The following CDK2AP1 variants were observed in gnomAD, a reference collection of about 807,000 sequenced individuals.
CDK2AP1 encodes cyclin-dependent kinase 2-associated protein 1.
A neutral mutation model predicts 14.1 loss-of-function variants in CDK2AP1; 10 were observed. The ratio of observed to expected loss-of-function variants is 0.71; its 90% CI spans 0.44 to 1.20. The LOEUF is 1.20. Among genes scored for constraint, CDK2AP1 ranks in the 50% most tolerant of loss-of-function variants. CDK2AP1 has a pLI of 0.00. For missense variants in CDK2AP1, 102 were observed against 149.9 expected (o/e 0.68, Z 1.67); for synonymous variants, 59 against 59.8 (o/e 0.99, Z 0.06).
intron 3 of CDK2AP1, 135 bp from the exon 4 acceptor site, chr12:123,261,938 C>T (rs2048236575): frequency 2.9e-6 from 2 of 680,944 alleles, no homozygotes; most frequent in Admixed American, 4.8e-5. Context: ...ACCAGGGAAA[C>T]CTATAACCAA....
intron 3 of CDK2AP1, among the ~76,000 whole-genome samples, chr12:123,263,200 G>C (rs2048251194): frequency 7.3e-6 from 1 of 137,356 alleles, no homozygotes; most frequent in African/African-American, 2.7e-5. Flanking sequence ...GATAGAGCGA[G>C]ACTCTGTCTC....
At chr12:123,270,984 C>A in intron 1 of CDK2AP1, 10 of 984,840 alleles carry the variant, frequency 1.0e-5, no homozygotes, top group Non-Finnish European at 1.2e-5. Flanking sequence ...GCCGGCGACC[C>A]CATCCTGGTC....
intron 3 of CDK2AP1, among the ~76,000 whole-genome samples, chr12:123,263,650 C>T (rs2048256954): frequency 6.6e-6 from 1 of 152,284 alleles, no homozygotes; most frequent in Non-Finnish European, 1.5e-5. Flanking sequence ...CCTGGTAGTC[C>T]CAACCTAGCT....
At chr12:123,263,256 G>A (rs1028610149) in intron 3 of CDK2AP1, among the ~76,000 whole-genome samples, 26 of 150,994 alleles carry the variant, frequency 1.7e-4, no homozygotes, top group Non-Finnish European at 3.1e-4. Flanking sequence ...TTGGCTCCTG[G>A]CTCTTGGGCT....
At chr12:123,271,486 G>A in intron 1 of CDK2AP1, 78 bp downstream of exon 1, 2 of 819,908 alleles carry the variant, frequency 2.4e-6, no homozygotes, top group Non-Finnish European at 2.9e-6. Flanking sequence ...GGGCGCCCCG[G>A]GCATCCCCGG....
chr12:123,271,856 T>C lies in CDK2AP1; in HGVS notation c.-238A>G, dbSNP rs2048357219. 6.9e-6 allele frequency: 1 copy of C among 145,848 alleles called. No homozygotes were observed. Among genetic ancestry groups the C allele is most frequent in the Admixed American group, 6.8e-5 (1 of 14,710 alleles). 9.0% of individuals were successfully genotyped at this position (145,848 alleles called of 1,614,324 possible). The stretch of plus-strand genomic sequence containing the variant: ...GCGGCGCAGGGGCGGCCGCAAACTT[T>C]CCGCGGAGCCGGCGGGGCGGCCGGG... On this transcript the variant is annotated 5_prime_UTR_variant, in exon 1 of 4. Coordinates refer to ENST00000261692, the MANE Select transcript of CDK2AP1 (RefSeq NM_004642.4).
chr12:123,268,942 C>T (rs187290595), intron 1 of CDK2AP1, among the ~76,000 whole-genome samples: 2 of 152,296 alleles, frequency 1.3e-5, no homozygotes, highest in South Asian at 2.1e-4. Context: ...ACCTCTCTGG[C>T]TCCAGGGCCA....
In CDK2AP1 at chr12:123,265,296, T is replaced by G; in HGVS notation, c.180A>C (p.Gln60His). The change falls in exon 3 of 4, where the codon CAA becomes CAC. Residue 60 changes from glutamine (Q) to histidine (H), a missense_variant. This residue lies in a region of CDK2AP1 where 52 missense variants were observed against 107.2 expected (regional missense o/e 0.48). Coordinates refer to ENST00000261692, the MANE Select transcript of CDK2AP1 (RefSeq NM_004642.4). The surrounding 1 kb of genome is among the most constrained non-coding windows in gnomAD (Gnocchi z 5.3). ...TQGTGNSQVP[Q>H]SKYAELLAII... The stretch of plus-strand genomic sequence containing the variant: ...TGGCCAGCAGCTCCGCGTATTTGCT[T>G]TGGGGCACCTGGCTGTTCCCAGTTC... The G allele has an allele frequency of 6.2e-7, 1 of 1,614,104 alleles. No individual in the cohort carries two copies. Among genetic ancestry groups the G allele is most frequent in the Non-Finnish European group, 8.5e-7 (1 of 1,180,018 alleles).
At chr12:123,267,044 G>A (rs1386645546) in intron 2 of CDK2AP1, 141 bp downstream of exon 2, 4 of 658,540 alleles carry the variant, frequency 6.1e-6, no homozygotes, top group Non-Finnish European at 1.1e-5. Flanking sequence ...CTGAGCAGGA[G>A]CGCAGCCAGG....
rs1052747136 is a variant in CDK2AP1 at position 123,271,665 on chromosome 12, G to GGGCGGC, written c.-53_-48dup. ...CGGGCGCGGCGGGGCCAGGCCGCGA[G>GGGCGGC]GGCGGCGGCGGCGGCGGCGAGGCCG... On this transcript the variant is annotated 5_prime_UTR_variant, in exon 1 of 4. Transcript: ENST00000261692. The GGGCGGC allele has an allele frequency of 3.8e-5, 32 of 833,230 alleles. No individual in the cohort carries two copies. In the African/African-American group the frequency reaches 4.7e-4, roughly 12 times the overall value. 51.6% of individuals were successfully genotyped at this position (833,230 alleles called of 1,614,324 possible). A position where few individuals can be genotyped will look rare whatever the true frequency, so the allele number is the denominator to read the frequency against.
Position 123,265,236 on chromosome 12 carries a change from C to T in CDK2AP1, c.240G>A (p.Thr80=), listed in dbSNP as rs374106770. Residue 80 remains threonine, a synonymous_variant, in exon 3 of 4, where the codon ACG becomes ACA. Transcript: ENST00000261692. This position sits in a 1 kb window ranked among gnomAD's most constrained non-coding sequence, Gnocchi z 5.3. ...IEELGKEIRP[T]YAGSKSAMER... is the part of the protein sequence containing the mutation. Reference sequence around the variant, plus strand: ...CCATGGCACTCTTGCTCCCTGCGTACGTGGGTCTGATCTCCTTCCCCAGCT... The same window carrying T: ...CCATGGCACTCTTGCTCCCTGCGTATGTGGGTCTGATCTCCTTCCCCAGCT... 14 of 1,614,196 alleles carry T rather than the reference C, an allele frequency of 8.7e-6. No individual in the cohort carries two copies. The highest frequency in any genetic ancestry group is 3.3e-5 in the South Asian group (3 of 91,086).
In CDK2AP1 at chr12:123,267,655, C is replaced by A. The variant is rs1023035686; in HGVS notation, c.56-373G>T. The A allele has an allele frequency of 1.1e-4, 27 of 236,426 alleles. No homozygotes were observed. The Admixed American group carries it at 1.3e-3, about 11-fold the overall frequency. The allele number at this position is 236,426 out of a possible 1,614,324, so 14.6% of individuals were successfully genotyped here. On this transcript the variant is annotated intron_variant, in intron 1 of 3. Transcript: ENST00000261692. ...CTGAGAACCTAGAGGCCACATCACA[C>A]CACAGCGCCACATAGGCTGGTCGAA...
intron 1 of CDK2AP1, chr12:123,269,030 A>C (rs2048328588): frequency 2.0e-5 from 3 of 152,176 alleles, no homozygotes; most frequent in Non-Finnish European, 2.9e-5. Flanking sequence ...GGTGCTGGCC[A>C]CTTCCCACGC....
At position 123,265,187 on chromosome 12, in the gene CDK2AP1, C is replaced by T. The variant is rs201742152; in HGVS notation, c.280+9G>A. ...GTGGTCACCGACAGGGCAGCGGGGC[C>T]GGGCTTACCGCGCTTCAGCCTCTCC... On this transcript the variant is annotated intron_variant, in intron 3 of 3. Coordinates refer to ENST00000261692, the MANE Select transcript of CDK2AP1 (RefSeq NM_004642.4). This position sits in a 1 kb window ranked among gnomAD's most constrained non-coding sequence, Gnocchi z 5.3. 1.7e-5 allele frequency: 27 copies of T among 1,613,882 alleles called. No individual in the cohort carries two copies. In the East Asian group the frequency reaches 2.9e-4, roughly 17 times the overall value.
At chr12:123,264,407 C>G (rs2048265930) in intron 3 of CDK2AP1, among the ~76,000 whole-genome samples, 1 of 141,550 alleles carries the variant, frequency 7.1e-6, no homozygotes, top group African/African-American at 2.7e-5. Context: ...TTGCGGTGAG[C>G]CGAGATTGCA....
At position 123,261,763 on chromosome 12, in the gene CDK2AP1, T is replaced by C; in HGVS notation, c.321A>G (p.Ala107=). Residue 107 remains alanine, a synonymous_variant, in exon 4 of 4, where the codon GCA becomes GCG. Transcript: ENST00000261692. ...HARGLVRECL[A]ETERNARS ...AGGATCTGGCATTCCGTTCCGTTTC[T>C]GCCAAGCACTCCCGAACCAGTCCTC... 1 of 1,614,116 alleles carries C rather than the reference T, an allele frequency of 6.2e-7. No individual in the cohort carries two copies. The highest frequency in any genetic ancestry group is 1.6e-4 in the Middle Eastern group (1 of 6,062).
chr12:123,264,462 C>CAAAAAAAAAAAAAA lies in CDK2AP1; in HGVS notation c.280+720_280+733dup, dbSNP rs1167157405. 1.4e-3 allele frequency among the ~76,000 whole-genome samples: 96 copies of CAAAAAAAAAAAAAA among 69,846 alleles called. 1 individual carries two copies. The highest frequency in any genetic ancestry group is 0.012 in the Middle Eastern group (1 of 86). 45.8% of individuals were successfully genotyped at this position (69,846 alleles called of 152,430 possible). Reference sequence around the variant, plus strand: ...GCAACAAGAGTAAAACTCCGTCTCCCAAAAAAAAAAAAAAAAAAAAAAAAA... The same window carrying CAAAAAAAAAAAAAA: ...GCAACAAGAGTAAAACTCCGTCTCCCAAAAAAAAAAAAAAAAAAAAAAAAAAAAAAAAAAAAAAA... On this transcript the variant is annotated intron_variant, in intron 3 of 3. Coordinates refer to ENST00000261692, the MANE Select transcript of CDK2AP1 (RefSeq NM_004642.4).
At chr12:123,271,470 C>CTCCGCGGGCGCCCCGGGCA in intron 1 of CDK2AP1, 94 bp downstream of exon 1, 1 of 641,340 alleles carries the variant, frequency 1.6e-6, no homozygotes, top group Non-Finnish European at 1.9e-6. Flanking sequence ...CGCCCCCGGC[C>CTCCGCGGGCGCCCCGGGCA]TCCGCGGGCG....
intron 2 of CDK2AP1, among the ~76,000 whole-genome samples, chr12:123,266,069 C>T (rs1002298561): frequency 6.6e-6 from 1 of 152,090 alleles, no homozygotes; most frequent in Non-Finnish European, 1.5e-5. Flanking sequence ...GCCCACAAGC[C>T]CGCAAGCCCA....
Sources: gnomAD v4.1 joint callset for allele counts (sites outside exome capture counted in the v4.1 genomes callset) on GRCh38, gnomAD v4.1.1 for gene constraint, gnomAD v4.1.1 regional missense constraint, Gnocchi (gnomAD v3.1) non-coding constraint, MANE v1.5 for transcripts, NCBI Gene and HGNC (gene_info 2026-07-23, HGNC 2026-07-21) for gene names.